The following DIAPH2 variants were observed in gnomAD, a reference collection of about 807,000 sequenced individuals.
DIAPH2 encodes diaphanous related formin 2, also known as protein diaphanous homolog 2.
DIAPH2 carries 35 observed loss-of-function variants against 92.7 expected under a neutral mutation model. The ratio of observed to expected loss-of-function variants is 0.38; its 90% CI spans 0.29 to 0.50. The LOEUF (loss-of-function observed/expected upper bound fraction) is 0.50. Ranked by LOEUF, DIAPH2 falls within the 20% of genes least tolerant of loss-of-function variation. DIAPH2 has a pLI of 0.94. For synonymous variants in DIAPH2, 301 were observed against 280.4 expected, an observed-to-expected ratio of 1.07 and a Z score of -0.73; for missense variants, 701 against 819.5, an observed-to-expected ratio of 0.86 and a Z score of 1.77.
intron 26 of DIAPH2, among the ~76,000 whole-genome samples, chrX:97,566,865 AAGAATT>A (rs947107335): frequency 8.9e-6 from 1 of 111,884 alleles, no homozygotes; most frequent in African/African-American, 3.2e-5. Context: ...TGTTAAGTGA[AAGAATT>A]AGATCACAAA....
At chrX:96,942,940 A>G (rs1449632099) in intron 13 of DIAPH2, among the ~76,000 whole-genome samples, 1 of 112,151 alleles carries the variant, frequency 8.9e-6, no homozygotes, top group African/African-American at 3.2e-5. Context: ...CAAGGCAGAT[A>G]CACAGTAACA....
At chrX:96,949,867 G>GAA (rs372037656) in intron 15 of DIAPH2, among the ~76,000 whole-genome samples, 2 of 71,426 alleles carry the variant, frequency 2.8e-5, no homozygotes, top group African/African-American at 4.6e-5. Context: ...CTGAAAAAAA[G>GAA]AAAAAAAAAA....
intron 4 of DIAPH2, among the ~76,000 whole-genome samples, chrX:96,796,187 T>C (rs1466605174): frequency 8.9e-6 from 1 of 112,087 alleles, no homozygotes. Flanking sequence ...TGTTTTGTTT[T>C]GTTTTGTTTT....
intron 26 of DIAPH2, among the ~76,000 whole-genome samples, chrX:97,454,711 C>T (rs756214982): frequency 1.9e-4 from 21 of 110,205 alleles, no homozygotes; most frequent in Admixed American, 1.6e-3. Context: ...AAAAATTAGC[C>T]GGGTGTGGTG....
chrX:97,288,086 C>T (rs1053954034), intron 23 of DIAPH2, among the ~76,000 whole-genome samples: 4 of 110,124 alleles, frequency 3.6e-5, no homozygotes, highest in Non-Finnish European at 5.7e-5. Flanking sequence ...GATTTTAGAA[C>T]GATGGTGATT....
chrX:96,755,481 G>A (rs953116329), intron 3 of DIAPH2, among the ~76,000 whole-genome samples: 33 of 110,349 alleles, frequency 3.0e-4, no homozygotes, highest in Admixed American at 2.1e-3. Context: ...GTGAAACCCT[G>A]TCTCTACTAA....
At chrX:97,229,833 T>TAA (rs2067994983) in intron 22 of DIAPH2, among the ~76,000 whole-genome samples, 1 of 103,412 alleles carries the variant, frequency 9.7e-6, no homozygotes, top group African/African-American at 3.5e-5. Flanking sequence ...AATAACAATA[T>TAA]TACATCTTAT....
chrX:97,350,521 G>C (rs1329824047), intron 24 of DIAPH2, among the ~76,000 whole-genome samples: 3 of 110,971 alleles, frequency 2.7e-5, no homozygotes, highest in African/African-American at 9.8e-5. Context: ...CATATGCCTA[G>C]AAGGCTAAGA....
intron 4 of DIAPH2, among the ~76,000 whole-genome samples, chrX:96,821,825 T>C (rs1175232725): frequency 8.9e-6 from 1 of 111,861 alleles, no homozygotes; most frequent in Non-Finnish European, 1.9e-5. Flanking sequence ...ATACTGGTAC[T>C]GGATCTGACT....
rs547030257 is a variant in DIAPH2 at position 97,202,517 on chromosome X, G to T, written c.2720-45198G>T. Among the ~76,000 whole-genome samples the T allele has an allele frequency of 5.2e-4, 58 of 111,685 alleles. No individual in the cohort carries two copies. The South Asian group carries it at 0.022, about 42-fold the overall frequency. On this transcript the variant is annotated intron_variant, in intron 22 of 26. Coordinates refer to ENST00000324765, the MANE Select transcript of DIAPH2 (RefSeq NM_006729.5). ...AAAAATAAAAAATAAAAAATAAATAGCAGGGATTGCAATCCTAGTCTCTGA... is the reference window on the plus strand; with the variant it reads ...AAAAATAAAAAATAAAAAATAAATATCAGGGATTGCAATCCTAGTCTCTGA...
At chrX:96,780,561 A>G (rs751622515) in intron 4 of DIAPH2, among the ~76,000 whole-genome samples, 1 of 110,660 alleles carries the variant, frequency 9.0e-6, no homozygotes, top group African/African-American at 3.3e-5. Flanking sequence ...AGCTCACTGC[A>G]ACCTCTGCCT....
intron 23 of DIAPH2, among the ~76,000 whole-genome samples, chrX:97,278,449 G>A (rs2068469811): frequency 9.0e-6 from 1 of 110,959 alleles, no homozygotes. Context: ...ATAGTTTACT[G>A]CCCTAAAAAT....
At chrX:97,156,002 G>A (rs73546776) in intron 22 of DIAPH2, among the ~76,000 whole-genome samples, 2,971 of 112,135 alleles carry the variant, frequency 0.026, 91 homozygotes, top group African/African-American at 0.084. Context: ...AATGATTGGT[G>A]TTACATCTTT....
intron 1 of DIAPH2, among the ~76,000 whole-genome samples, chrX:96,713,574 A>G (rs1178722033): frequency 2.7e-5 from 3 of 111,811 alleles, no homozygotes; most frequent in Non-Finnish European, 5.6e-5. Flanking sequence ...AATGGCATGG[A>G]TTTACCATTA....
chrX:96,735,868 G>C (rs1003032136), intron 2 of DIAPH2, 78 bp downstream of exon 2: 3 of 539,501 alleles, frequency 5.6e-6, no homozygotes, highest in Admixed American at 7.3e-5. Flanking sequence ...TAAAAGCATT[G>C]ATATATGTAA....
intron 7 of DIAPH2, among the ~76,000 whole-genome samples, chrX:96,914,766 G>A (rs1359453608): frequency 2.7e-5 from 3 of 110,677 alleles, no homozygotes; most frequent in Non-Finnish European, 5.7e-5. Context: ...TAGATTATTC[G>A]AAATTGATGT....
chrX:97,549,749 C>T (rs1241029011), intron 26 of DIAPH2, among the ~76,000 whole-genome samples: 1 of 111,497 alleles, frequency 9.0e-6, no homozygotes, highest in Non-Finnish European at 1.9e-5. Flanking sequence ...CTTCAACCTC[C>T]TTTAATCTGG....
At position 97,141,706 on chromosome X, in the gene DIAPH2, G is replaced by A. The variant is rs55742978; in HGVS notation, c.2631G>A (p.Leu877=). 5 of 1,205,359 alleles carry A rather than the reference G, an allele frequency of 4.1e-6. No individual in the cohort carries two copies. In the South Asian group the frequency reaches 7.2e-5, roughly 17 times the overall value. ...TKSADQKTTL[L]HFIADICEEK... is the part of the protein sequence containing the mutation. ...CAGCGGATCAAAAAACAACCCTTTT[G>A]CATTTTATTGCCGACATTTGTGAGG... The change falls in exon 22 of 27, where the codon TTG becomes TTA. Residue 877 remains leucine, a synonymous_variant. Coordinates refer to ENST00000324765, the MANE Select transcript of DIAPH2 (RefSeq NM_006729.5).
chrX:97,087,853 A>C (rs2066794441), intron 19 of DIAPH2, among the ~76,000 whole-genome samples: 1 of 110,645 alleles, frequency 9.0e-6, no homozygotes. Flanking sequence ...CCTTCCCCCA[A>C]ATGAAGGCCT....
Sources: allele counts gnomAD v4.1 joint callset (sites outside exome capture counted in the v4.1 genomes callset), GRCh38; gene constraint gnomAD v4.1.1; transcripts MANE v1.5; gene names NCBI Gene and HGNC (gene_info 2026-07-23, HGNC 2026-07-21).